QTMAN: variants seen among roughly 807,000 people sequenced by gnomAD.
The protein encoded by QTMAN is tRNA-queuosine alpha-mannosyltransferase.
the QTMAN span, among the ~76,000 whole-genome samples, chr2:144,243,380 T>C: frequency 6.6e-6 from 1 of 152,236 alleles, no homozygotes; most frequent in Non-Finnish European, 1.5e-5. Flanking sequence ...TGCATGTATG[T>C]ATGGCCATCA....
chr2:144,011,068 C>T, the QTMAN span, among the ~76,000 whole-genome samples: 2 of 152,078 alleles, frequency 1.3e-5, no homozygotes, highest in African/African-American at 4.8e-5. Flanking sequence ...CTACGGTTTC[C>T]TTGTTTATAG....
the QTMAN span, among the ~76,000 whole-genome samples, chr2:144,322,249 T>C: frequency 6.6e-6 from 1 of 152,184 alleles, no homozygotes; most frequent in Non-Finnish European, 1.5e-5. Flanking sequence ...CAGGACCACT[T>C]TGTGTTCTTA....
the QTMAN span, among the ~76,000 whole-genome samples, chr2:144,011,111 T>C: frequency 6.6e-6 from 1 of 152,138 alleles, no homozygotes; most frequent in African/African-American, 2.4e-5. Context: ...AATCTATTCA[T>C]TATAGTGATT....
the QTMAN span, among the ~76,000 whole-genome samples, chr2:144,175,940 C>T: frequency 3.9e-5 from 6 of 152,162 alleles, no homozygotes; most frequent in African/African-American, 1.4e-4. Flanking sequence ...GCTGAGATTA[C>T]AGGTGTGAGC....
At chr2:144,215,451 GT>G in the QTMAN span, among the ~76,000 whole-genome samples, 292 of 152,034 alleles carry the variant, frequency 1.9e-3, 1 homozygote, top group African/African-American at 6.6e-3. Context: ...TCATGTACTT[GT>G]TTTCAAATAT....
At chr2:144,128,979 C>T in the QTMAN span, among the ~76,000 whole-genome samples, 30 of 151,836 alleles carry the variant, frequency 2.0e-4, no homozygotes, top group African/African-American at 7.2e-4. Context: ...GAATTTATCA[C>T]TCAATCCTGG....
chr2:144,182,828 A>AATATATATATATTATATATATAAT, the QTMAN span, among the ~76,000 whole-genome samples: 17 of 67,204 alleles, frequency 2.5e-4, no homozygotes, highest in Non-Finnish European at 4.2e-4. Flanking sequence ...TTATATATAT[A>AATATATATATATTATATATATAAT]ATATATATAT....
the QTMAN span, among the ~76,000 whole-genome samples, chr2:144,153,175 A>G: frequency 6.6e-6 from 1 of 152,252 alleles, no homozygotes; most frequent in Non-Finnish European, 1.5e-5. Context: ...CAGATGCAGG[A>G]TAAGAAGTTT....
chr2:144,108,328 G>A, the QTMAN span, among the ~76,000 whole-genome samples: 4 of 152,146 alleles, frequency 2.6e-5, no homozygotes, highest in African/African-American at 9.7e-5. Context: ...CCTGTTTGCA[G>A]ATGACATGAT....
At chr2:144,102,771 T>C in the QTMAN span, among the ~76,000 whole-genome samples, 1 of 152,226 alleles carries the variant, frequency 6.6e-6, no homozygotes, top group East Asian at 1.9e-4. Flanking sequence ...TTGTACTCTC[T>C]AGCACCCAGC....
the QTMAN span, among the ~76,000 whole-genome samples, chr2:144,071,207 T>C: frequency 6.6e-6 from 1 of 152,074 alleles, no homozygotes; most frequent in African/African-American, 2.4e-5. Context: ...TTTTTTTTTT[T>C]TCTTACTCCA....
the QTMAN span, among the ~76,000 whole-genome samples, chr2:144,198,957 A>G: frequency 6.6e-6 from 1 of 151,304 alleles, no homozygotes; most frequent in Non-Finnish European, 1.5e-5. Context: ...GTGCTCTTCC[A>G]TTTCATCTCT....
chr2:144,042,402 AAC>A, the QTMAN span, among the ~76,000 whole-genome samples: 1 of 152,090 alleles, frequency 6.6e-6, no homozygotes, highest in African/African-American at 2.4e-5. Context: ...ACAGAAAACA[AAC>A]ACAAAAATGA....
At chr2:144,169,425 TA>T in the QTMAN span, among the ~76,000 whole-genome samples, 5 of 152,178 alleles carry the variant, frequency 3.3e-5, no homozygotes, top group Non-Finnish European at 5.9e-5. Flanking sequence ...AATTAAAAAA[TA>T]TTTTTTTGCT....
the QTMAN span, among the ~76,000 whole-genome samples, chr2:144,331,653 A>C: frequency 6.6e-6 from 1 of 152,190 alleles, no homozygotes; most frequent in Admixed American, 6.5e-5. Flanking sequence ...GTGCGAGAGA[A>C]GGCAAAAAAA....
chr2:144,170,351 G>A, the QTMAN span, among the ~76,000 whole-genome samples: 1 of 152,142 alleles, frequency 6.6e-6, no homozygotes, highest in African/African-American at 2.4e-5. Flanking sequence ...CAAAGACAAA[G>A]CACTTATTAC....
chr2:144,195,407 T>C, the QTMAN span, among the ~76,000 whole-genome samples: 7 of 152,268 alleles, frequency 4.6e-5, no homozygotes, highest in African/African-American at 1.4e-4. Context: ...GTAAAACATA[T>C]GCATGCTGAA....
At chr2:144,007,111 T>C in the QTMAN span, 9 of 897,968 alleles carry the variant, frequency 1.0e-5, no homozygotes, top group South Asian at 1.5e-4. Flanking sequence ...CAAATTATTA[T>C]GTCAATCAAC....
chr2:144,004,946 C>G, the QTMAN span, among the ~76,000 whole-genome samples: 2 of 152,042 alleles, frequency 1.3e-5, no homozygotes, highest in Non-Finnish European at 2.9e-5. Context: ...GTTTATTCCT[C>G]GTAATCTTCC....
Sources: gnomAD v4.1 joint callset for allele counts (sites outside exome capture counted in the v4.1 genomes callset) on GRCh38, gnomAD v4.1.1 for gene constraint, MANE v1.5 for transcripts, NCBI Gene and HGNC (gene_info 2026-07-23, HGNC 2026-07-21) for gene names.